The following EYS variants were observed in gnomAD, a reference collection of about 807,000 sequenced individuals.
EYS encodes the protein EGF-like photoreceptor maintenance factor.
In EYS, 250 loss-of-function variants were observed where a neutral mutation model predicts 282.1. That is an observed-to-expected ratio of 0.89 (90% confidence interval 0.80 to 0.98). The LOEUF (loss-of-function observed/expected upper bound fraction) is 0.98, where lower values mean the gene tolerates loss of function less well. Ranked by LOEUF, EYS falls within the 50% of genes least tolerant of loss-of-function variation. The pLI is 0.00. For synonymous variants in EYS, 1,355 were observed against 1,282.9 expected (o/e 1.06, Z -1.20); for missense variants, 4,016 against 3,709.0 (o/e 1.08, Z -2.15).
At chr6:63,932,641 AG>A (rs543924169) in intron 35 of EYS, among the ~76,000 whole-genome samples, 465 of 152,248 alleles carry the variant, frequency 3.1e-3, no homozygotes, top group African/African-American at 0.011. Context: ...TCCTATGAAA[AG>A]CTAATAAAGG....
At chr6:65,556,814 G>A (rs1387630511) in intron 2 of EYS, among the ~76,000 whole-genome samples, 3 of 151,952 alleles carry the variant, frequency 2.0e-5, no homozygotes, top group African/African-American at 4.8e-5. Context: ...CAATGTTACT[G>A]TCTTTTCATA....
At chr6:65,113,623 C>A (rs1303484303) in intron 12 of EYS, among the ~76,000 whole-genome samples, 6 of 152,012 alleles carry the variant, frequency 3.9e-5, no homozygotes, top group Non-Finnish European at 7.4e-5. Flanking sequence ...TGCTTAACTT[C>A]TTTCTTCATG....
intron 2 of EYS, among the ~76,000 whole-genome samples, chr6:65,532,296 A>G (rs1443685707): frequency 1.3e-5 from 2 of 152,160 alleles, no homozygotes; most frequent in East Asian, 3.9e-4. Flanking sequence ...ACGTATTTTA[A>G]AGCCTTCATA....
rs115551364 is a variant in EYS, at chr6:65,298,360, C to T, written c.1767-2241G>A. ...TCTGAACTGTGTGGAGATAGTGACACCTTTTATTAAGAGGAAGATTTAATA... is the reference window on the plus strand; with the variant it reads ...TCTGAACTGTGTGGAGATAGTGACATCTTTTATTAAGAGGAAGATTTAATA... On this transcript the variant is annotated intron_variant, in intron 11 of 42. Coordinates refer to ENST00000503581, the MANE Select transcript of EYS (RefSeq NM_001142800.2). Among the ~76,000 whole-genome samples the T allele has an allele frequency of 2.8e-3, 422 of 151,980 alleles. 2 individuals are homozygous for T. The highest frequency in any genetic ancestry group is 9.8e-3 in the African/African-American group (406 of 41,488).
intron 11 of EYS, chr6:65,330,613 T>C (rs1244020387): frequency 1.0e-6 from 1 of 958,150 alleles, no homozygotes; most frequent in Non-Finnish European, 1.2e-6. Context: ...CCATTTAAAA[T>C]ACACTTTAAA....
rs1764454751 is a variant in EYS at position 64,170,782 on chromosome 6, A to G, written c.6424+59810T>C. On this transcript the variant is annotated intron_variant, in intron 31 of 42. Transcript: ENST00000503581. ...ATTATACAGTTCAACCCATAAGAATAAATGATAATACAAATAATAAAGATC... is the reference window on the plus strand; with the variant it reads ...ATTATACAGTTCAACCCATAAGAATGAATGATAATACAAATAATAAAGATC... 3.3e-5 allele frequency among the ~76,000 whole-genome samples: 5 copies of G among 152,094 alleles called. No homozygotes were observed. The South Asian group carries it at 1.0e-3, about 32-fold the overall frequency.
At chr6:65,293,799 C>CT in intron 12 of EYS, among the ~76,000 whole-genome samples, 1 of 151,732 alleles carries the variant, frequency 6.6e-6, no homozygotes, top group Non-Finnish European at 1.5e-5. Context: ...ATCCTCTGGG[C>CT]TGGAGATACA....
At chr6:65,182,761 A>G (rs1189250359) in intron 12 of EYS, among the ~76,000 whole-genome samples, 1 of 151,828 alleles carries the variant, frequency 6.6e-6, no homozygotes, top group Non-Finnish European at 1.5e-5. Flanking sequence ...GTCTCAAACA[A>G]GACAGTTACT....
chr6:64,314,225 G>T (rs1407950523), intron 29 of EYS, among the ~76,000 whole-genome samples: 3 of 132,438 alleles, frequency 2.3e-5, no homozygotes, highest in African/African-American at 9.4e-5. Flanking sequence ...AAAAGCAGGG[G>T]TTGCAATCCT....
intron 35 of EYS, among the ~76,000 whole-genome samples, chr6:63,933,871 G>A (rs1764971913): frequency 1.3e-5 from 2 of 152,146 alleles, no homozygotes; most frequent in Non-Finnish European, 2.9e-5. Context: ...AGGTAAAGGA[G>A]TAGACAGTCT....
At chr6:64,469,147 CGCGA>C (rs1776027996) in intron 26 of EYS, among the ~76,000 whole-genome samples, 3 of 152,070 alleles carry the variant, frequency 2.0e-5, no homozygotes, top group Admixed American at 2.0e-4. Context: ...TCTGCAACCT[CGCGA>C]GCATCTGTTA....
intron 19 of EYS, among the ~76,000 whole-genome samples, chr6:64,834,721 A>T (rs1348219460): frequency 6.6e-6 from 1 of 151,900 alleles, no homozygotes; most frequent in African/African-American, 2.4e-5. Context: ...GGCATTTTAA[A>T]AATACTAAGT....
At chr6:64,395,493 G>T (rs1582698227) in intron 28 of EYS, among the ~76,000 whole-genome samples, 1 of 152,108 alleles carries the variant, frequency 6.6e-6, no homozygotes, top group Non-Finnish European at 1.5e-5. Context: ...GGACATGGAT[G>T]AAATTGGAAA....
chr6:64,936,029 C>T (rs1014964111), intron 15 of EYS, among the ~76,000 whole-genome samples: 1 of 151,426 alleles, frequency 6.6e-6, no homozygotes, highest in African/African-American at 2.4e-5. Flanking sequence ...GGAATACAGA[C>T]CCCAAATTCC....
rs1407850108 is a variant in EYS at position 64,924,135 on chromosome 6, C to T, written c.2382-11392G>A. Among the ~76,000 whole-genome samples, 5 of 152,212 alleles carry T rather than the reference C, an allele frequency of 3.3e-5. No homozygotes were observed. The East Asian group carries it at 5.8e-4, about 18-fold the overall frequency. ...GCCTGGGCATCCAGGCGATTCCATA[C>T]ATCTTCTGAAATCTAGGCAGAGGTT... On this transcript the variant is annotated intron_variant, in intron 15 of 42. Transcript: ENST00000503581.
At chr6:65,499,522 CT>C (rs1562224531) in intron 2 of EYS, among the ~76,000 whole-genome samples, 1 of 151,878 alleles carries the variant, frequency 6.6e-6, no homozygotes. Flanking sequence ...CAATAAGCAG[CT>C]TTTTATTTGT....
intron 22 of EYS, among the ~76,000 whole-genome samples, chr6:64,636,382 G>A (rs1481407872): frequency 2.6e-5 from 4 of 152,172 alleles, no homozygotes; most frequent in Admixed American, 2.6e-4. Context: ...AAACTGGCTA[G>A]CCATATGTAG....
At chr6:64,343,218 T>A (rs953304161) in intron 29 of EYS, among the ~76,000 whole-genome samples, 1 of 151,992 alleles carries the variant, frequency 6.6e-6, no homozygotes, top group Non-Finnish European at 1.5e-5. Flanking sequence ...AATAGACATC[T>A]ACAGAACTCT....
intron 31 of EYS, among the ~76,000 whole-genome samples, chr6:64,193,165 T>G (rs1765169069): frequency 6.6e-6 from 1 of 152,230 alleles, no homozygotes; most frequent in South Asian, 2.1e-4. Context: ...AAAATAAAAT[T>G]GAAGTAATTT....
Sources: allele counts gnomAD v4.1 joint callset (sites outside exome capture counted in the v4.1 genomes callset), GRCh38; gene constraint gnomAD v4.1.1; transcripts MANE v1.5; gene names NCBI Gene and HGNC (gene_info 2026-07-23, HGNC 2026-07-21).